ELMO1: variants seen among roughly 807,000 people sequenced by gnomAD.
ELMO1 encodes the protein engulfment and cell motility protein 1.
In ELMO1, 26 loss-of-function variants were observed where a neutral mutation model predicts 98.9. The observed-to-expected ratio is 0.26, with a 90% CI of 0.19 to 0.36. The LOEUF (loss-of-function observed/expected upper bound fraction) is 0.36, where lower values mean the gene tolerates loss of function less well. Among genes scored for constraint, ELMO1 ranks in the 10% least tolerant of loss-of-function variants. The pLI is 1.00. For synonymous variants in ELMO1, 346 were observed against 346.0 expected (o/e 1.00, Z 0.00); for missense variants, 627 against 935.2 (o/e 0.67, Z 4.30).
At chr7:36,986,545 G>A (rs73117527) in intron 16 of ELMO1, 10,416 of 152,340 alleles carry the variant, frequency 0.068, 519 homozygotes, top group Non-Finnish European at 0.11. Context: ...GGGAGTGCCT[G>A]GGCTCAATAA....
chr7:37,431,770 C>T (rs983578310), intron 1 of ELMO1, among the ~76,000 whole-genome samples: 1 of 152,132 alleles, frequency 6.6e-6, no homozygotes, highest in African/African-American at 2.4e-5. Context: ...TGGACAATGG[C>T]TCTGAACTAA....
chr7:37,132,756 T>A (rs1787012330), intron 14 of ELMO1, among the ~76,000 whole-genome samples: 1 of 152,238 alleles, frequency 6.6e-6, no homozygotes, highest in Admixed American at 6.5e-5. Flanking sequence ...TTTCTGTTTA[T>A]CTTATTGTTC....
intron 15 of ELMO1, among the ~76,000 whole-genome samples, chr7:37,031,843 A>G (rs1053341717): frequency 2.0e-5 from 3 of 152,120 alleles, no homozygotes; most frequent in Admixed American, 6.6e-5. Context: ...ATTGCACTGA[A>G]ATATTATATT....
chr7:37,417,504 C>G (rs1017814614), intron 1 of ELMO1, among the ~76,000 whole-genome samples: 4 of 152,102 alleles, frequency 2.6e-5, no homozygotes, highest in African/African-American at 9.7e-5. Context: ...ACTAAAAATA[C>G]AAAAACAAAA....
chr7:37,145,415 A>T (rs1787920869), intron 13 of ELMO1, among the ~76,000 whole-genome samples: 1 of 152,246 alleles, frequency 6.6e-6, no homozygotes, highest in Non-Finnish European at 1.5e-5. Flanking sequence ...TCTTGTCAAT[A>T]AAACAAACCC....
intron 15 of ELMO1, among the ~76,000 whole-genome samples, chr7:37,072,804 C>T (rs1207764036): frequency 6.6e-6 from 1 of 152,156 alleles, no homozygotes; most frequent in Admixed American, 6.5e-5. Flanking sequence ...ACAACAGAAC[C>T]AACCATTTGG....
chr7:37,180,827 CACACAT>C (rs1790817013), intron 13 of ELMO1, among the ~76,000 whole-genome samples: 3 of 152,080 alleles, frequency 2.0e-5, no homozygotes, highest in Middle Eastern at 3.4e-3. Flanking sequence ...CACACACACA[CACACAT>C]GCACACGCAA....
intron 10 of ELMO1, among the ~76,000 whole-genome samples, chr7:37,222,405 G>A (rs558944589): frequency 6.6e-6 from 1 of 152,292 alleles, no homozygotes; most frequent in South Asian, 2.1e-4. Context: ...CATCAGTCAA[G>A]GGCTTATCCA....
At chr7:37,044,941 G>C (rs1795718450) in intron 15 of ELMO1, among the ~76,000 whole-genome samples, 1 of 152,184 alleles carries the variant, frequency 6.6e-6, no homozygotes, top group African/African-American at 2.4e-5. Context: ...TAATTTCCAC[G>C]CTAGGTGTTG....
intron 13 of ELMO1, among the ~76,000 whole-genome samples, chr7:37,136,280 A>C (rs1787257148): frequency 6.6e-6 from 1 of 152,212 alleles, no homozygotes; most frequent in Non-Finnish European, 1.5e-5. Context: ...GAGATATCCA[A>C]AAGTTTGGAA....
intron 16 of ELMO1, among the ~76,000 whole-genome samples, chr7:36,974,338 G>A (rs1790304730): frequency 6.6e-6 from 1 of 152,144 alleles, no homozygotes; most frequent in Non-Finnish European, 1.5e-5. Context: ...TGGTGGGGAT[G>A]TGGAGAACCT....
intron 1 of ELMO1, among the ~76,000 whole-genome samples, chr7:37,377,382 G>A (rs986183274): frequency 3.6e-4 from 55 of 152,180 alleles, no homozygotes; most frequent in Non-Finnish European, 6.6e-4. Flanking sequence ...AAAGTCACTT[G>A]AGGCAGATCT....
intron 1 of ELMO1, among the ~76,000 whole-genome samples, chr7:37,367,736 GAAACAAAC>G (rs372938037): frequency 4.6e-5 from 7 of 151,938 alleles, no homozygotes; most frequent in African/African-American, 9.7e-5. Context: ...GTCCCTACCA[GAAACAAAC>G]AAACAAACAA....
chr7:37,429,555 T>A (rs1647795), intron 1 of ELMO1: 1 of 152,312 alleles, frequency 6.6e-6, no homozygotes, highest in East Asian at 1.9e-4. Flanking sequence ...ATATTCTACA[T>A]GCCAGGCAGT....
chr7:37,298,307 T>G (rs1798160667), intron 4 of ELMO1, among the ~76,000 whole-genome samples: 2 of 149,810 alleles, frequency 1.3e-5, no homozygotes, highest in Non-Finnish European at 3.0e-5. Flanking sequence ...TTTAAGAGTT[T>G]TTTTTTTTAT....
chr7:36,909,266 T>C (rs1264752966), intron 16 of ELMO1, among the ~76,000 whole-genome samples: 1 of 152,240 alleles, frequency 6.6e-6, no homozygotes. Flanking sequence ...GAAAGGTGTT[T>C]ATTATAAATG....
At chr7:37,153,472 C>G (rs1377773452) in intron 13 of ELMO1, among the ~76,000 whole-genome samples, 2 of 152,224 alleles carry the variant, frequency 1.3e-5, no homozygotes, top group Non-Finnish European at 2.9e-5. Flanking sequence ...AATCGGCAGA[C>G]CAGGAGATTC....
chr7:37,348,262 C>T (rs766707118), intron 1 of ELMO1, among the ~76,000 whole-genome samples: 2 of 151,980 alleles, frequency 1.3e-5, no homozygotes, highest in African/African-American at 2.4e-5. Context: ...TGTAGACAGC[C>T]GGGTACAATA....
At chr7:37,323,328 T>C (rs1799622044) in intron 2 of ELMO1, among the ~76,000 whole-genome samples, 1 of 152,224 alleles carries the variant, frequency 6.6e-6, no homozygotes, top group Admixed American at 6.5e-5. Flanking sequence ...CTTTGTTACT[T>C]TACTAAAGAC....
Sources: allele counts gnomAD v4.1 joint callset (sites outside exome capture counted in the v4.1 genomes callset), GRCh38; gene constraint gnomAD v4.1.1; transcripts MANE v1.5; gene names NCBI Gene and HGNC (gene_info 2026-07-23, HGNC 2026-07-21).